The following LYPLAL1 variants were observed in gnomAD, a reference collection of about 807,000 sequenced individuals.
LYPLAL1 encodes lysophospholipase like 1.
LYPLAL1 carries 23 observed loss-of-function variants against 19.7 expected under a neutral mutation model. The ratio of observed to expected loss-of-function variants is 1.17; its 90% CI spans 0.84 to 1.65. The LOEUF (loss-of-function observed/expected upper bound fraction) is 1.65, where lower values mean the gene tolerates loss of function less well. Ranked by LOEUF, LYPLAL1 falls within the 40% of genes most tolerant of loss-of-function variation. The pLI, the probability that LYPLAL1 is intolerant of heterozygous loss-of-function variation, is 0.00. For missense variants in LYPLAL1, 355 were observed against 279.4 expected, an observed-to-expected ratio of 1.27 and a Z score of -1.93; for synonymous variants, 119 against 96.3, an observed-to-expected ratio of 1.24 and a Z score of -1.38.
chr1:219,262,609 G>C, the LYPLAL1 span, among the ~76,000 whole-genome samples: 1 of 152,150 alleles, frequency 6.6e-6, no homozygotes, highest in Non-Finnish European at 1.5e-5. Flanking sequence ...TTGCTTTTCT[G>C]GGTCTAGCCA....
At chr1:219,193,000 C>A in intron 2 of LYPLAL1, 82 bp from the exon 3 acceptor site, 1 of 1,317,110 alleles carries the variant, frequency 7.6e-7, no homozygotes, top group Non-Finnish European at 1.0e-6. Flanking sequence ...ATTCAAAACA[C>A]TATTATTTTG....
At chr1:219,191,215 G>C (rs956858475) in intron 2 of LYPLAL1, among the ~76,000 whole-genome samples, 1 of 151,494 alleles carries the variant, frequency 6.6e-6, no homozygotes, top group South Asian at 2.1e-4. Flanking sequence ...CATCTATTAA[G>C]ACAAAAATTG....
At chr1:219,362,078 A>T in the LYPLAL1 span, among the ~76,000 whole-genome samples, 1 of 152,132 alleles carries the variant, frequency 6.6e-6, no homozygotes, top group Non-Finnish European at 1.5e-5. Context: ...GATTAATAGA[A>T]TGTTAGGAAG....
downstream of LYPLAL1, among the ~76,000 whole-genome samples, chr1:219,216,263 A>G (rs1438841680): frequency 6.6e-6 from 1 of 152,042 alleles, no homozygotes; most frequent in African/African-American, 2.4e-5. Flanking sequence ...CATTAAGGGT[A>G]GTATTTTGTT....
the LYPLAL1 span, among the ~76,000 whole-genome samples, chr1:219,420,796 A>T: frequency 6.6e-6 from 1 of 152,044 alleles, no homozygotes; most frequent in South Asian, 2.1e-4. Context: ...ATCTTTTAAA[A>T]TTTTTTTCTA....
chr1:219,230,036 T>G, the LYPLAL1 span, among the ~76,000 whole-genome samples: 1 of 152,210 alleles, frequency 6.6e-6, no homozygotes, highest in Non-Finnish European at 1.5e-5. Context: ...TAAGAGATTT[T>G]TCTCTGAAAT....
chr1:219,363,646 A>G, the LYPLAL1 span, among the ~76,000 whole-genome samples: 1 of 152,130 alleles, frequency 6.6e-6, no homozygotes, highest in African/African-American at 2.4e-5. Context: ...CCCAGAACCT[A>G]GAAGGCCCTA....
chr1:219,414,486 C>G, the LYPLAL1 span, among the ~76,000 whole-genome samples: 1 of 152,056 alleles, frequency 6.6e-6, no homozygotes, highest in African/African-American at 2.4e-5. Context: ...ACATTCTGAG[C>G]CTTAGTTTAG....
intron 1 of LYPLAL1, 170 bp downstream of exon 1, chr1:219,174,151 A>G: frequency 2.1e-6 from 3 of 1,440,630 alleles, no homozygotes; most frequent in Non-Finnish European, 2.7e-6. Context: ...ACCTGCCCCC[A>G]GCCTCCCCCG....
intron 2 of LYPLAL1, among the ~76,000 whole-genome samples, chr1:219,189,122 T>G (rs1656948158): frequency 6.6e-6 from 1 of 151,670 alleles, no homozygotes; most frequent in South Asian, 2.1e-4. Flanking sequence ...TATCTCTAAT[T>G]AAGGCATTGT....
At chr1:219,324,089 G>A in the LYPLAL1 span, among the ~76,000 whole-genome samples, 2 of 152,104 alleles carry the variant, frequency 1.3e-5, no homozygotes, top group Non-Finnish European at 2.9e-5. Flanking sequence ...CCACTGTAAG[G>A]CCCCTTTTTC....
the LYPLAL1 span, among the ~76,000 whole-genome samples, chr1:219,302,326 C>G: frequency 1.3e-5 from 2 of 152,142 alleles, no homozygotes; most frequent in Non-Finnish European, 2.9e-5. Flanking sequence ...ATTTTCATTA[C>G]CTTCACTGGT....
the LYPLAL1 span, among the ~76,000 whole-genome samples, chr1:219,261,113 A>G: frequency 6.6e-6 from 1 of 152,208 alleles, no homozygotes; most frequent in African/African-American, 2.4e-5. Flanking sequence ...ATCGCCTTAA[A>G]TATCTTTTTA....
chr1:219,336,886 G>C, the LYPLAL1 span, among the ~76,000 whole-genome samples: 1 of 151,912 alleles, frequency 6.6e-6, no homozygotes, highest in East Asian at 1.9e-4. Context: ...TCCTAGGTCT[G>C]CTTTCAAAAT....
At chr1:219,370,034 G>C in the LYPLAL1 span, among the ~76,000 whole-genome samples, 1 of 152,322 alleles carries the variant, frequency 6.6e-6, no homozygotes, top group Non-Finnish European at 1.5e-5. Context: ...TGACTCTGTG[G>C]CTCCGTCCTG....
the LYPLAL1 span, among the ~76,000 whole-genome samples, chr1:219,247,430 C>T: frequency 6.6e-6 from 1 of 152,172 alleles, no homozygotes; most frequent in Non-Finnish European, 1.5e-5. Flanking sequence ...GGTTTAAGAT[C>T]ATGTTGGGTG....
intron 3 of LYPLAL1, among the ~76,000 whole-genome samples, chr1:219,196,529 C>T (rs1014882789): frequency 1.2e-4 from 19 of 152,086 alleles, no homozygotes; most frequent in African/African-American, 4.6e-4. Flanking sequence ...GACAAACCCA[C>T]AGCCAGTATC....
the LYPLAL1 span, among the ~76,000 whole-genome samples, chr1:219,409,332 C>T: frequency 6.6e-6 from 1 of 151,850 alleles, no homozygotes; most frequent in Admixed American, 6.6e-5. Context: ...GCCTGTAGTC[C>T]CAGTTACTCT....
the LYPLAL1 span, among the ~76,000 whole-genome samples, chr1:219,332,739 A>AT: frequency 4.0e-4 from 2 of 4,956 alleles, no homozygotes; most frequent in Non-Finnish European, 1.2e-3. Flanking sequence ...TTGCAACTAA[A>AT]TGTTTTTTTT....
Sources: gnomAD v4.1 joint callset for allele counts (sites outside exome capture counted in the v4.1 genomes callset) on GRCh38, gnomAD v4.1.1 for gene constraint, MANE v1.5 for transcripts, NCBI Gene and HGNC (gene_info 2026-07-23, HGNC 2026-07-21) for gene names.